Variants in RIT2 observed in about 807,000 individuals in gnomAD.
RIT2 encodes GTP-binding protein Rit2.
RIT2 carries 24 observed loss-of-function variants against 23.7 expected under a neutral mutation model. The observed-to-expected ratio is 1.01, with a 90% CI of 0.73 to 1.43. The LOEUF (loss-of-function observed/expected upper bound fraction) is 1.43. Ranked by LOEUF, RIT2 falls within the 40% of genes most tolerant of loss-of-function variation. The pLI is 0.00. For missense variants in RIT2, 236 were observed against 266.9 expected (o/e 0.88, Z 0.81); for synonymous variants, 107 against 91.1 (o/e 1.17, Z -0.99).
At position 43,105,490 on chromosome 18, in the gene RIT2, G is replaced by GAAGGGAGGAAGGA. The variant is rs1568083814; in HGVS notation, c.103+9926_103+9927insTCCTTCCTCCCTT. On this transcript the variant is annotated intron_variant, in intron 1 of 4. Transcript: ENST00000326695. ...GGAGGAAGAGAGGAAGGGAGGAAGG[G>GAAGGGAGGAAGGA]AGGAAGAAAGGGAGGGAGGGAGGGA... Among the ~76,000 whole-genome samples, 354 of 117,668 alleles carry GAAGGGAGGAAGGA rather than the reference G, an allele frequency of 3.0e-3. 4 individuals are homozygous for GAAGGGAGGAAGGA. The highest frequency in any genetic ancestry group is 0.013 in the East Asian group (46 of 3,518). The allele number at this position is 117,668 out of a possible 152,430, so 77.2% of individuals were successfully genotyped here.
At chr18:43,082,275 T>C (rs1913175624) in intron 1 of RIT2, among the ~76,000 whole-genome samples, 1 of 152,168 alleles carries the variant, frequency 6.6e-6, no homozygotes, top group Non-Finnish European at 1.5e-5. Context: ...TCTATTGGAT[T>C]CACAGCCAAA....
chr18:43,042,792 C>T (rs572716240), intron 1 of RIT2, among the ~76,000 whole-genome samples: 2 of 152,280 alleles, frequency 1.3e-5, no homozygotes, highest in South Asian at 4.1e-4. Flanking sequence ...AGTGAAATTA[C>T]ACACACATTT....
chr18:42,907,042 AGT>A (rs1211867471), intron 4 of RIT2, among the ~76,000 whole-genome samples: 1 of 152,138 alleles, frequency 6.6e-6, no homozygotes, highest in African/African-American at 2.4e-5. Context: ...TACCTCCCTC[AGT>A]GTGTGTTTTA....
At chr18:42,978,189 A>G (rs1330240519) in intron 2 of RIT2, among the ~76,000 whole-genome samples, 1 of 152,070 alleles carries the variant, frequency 6.6e-6, no homozygotes, top group Non-Finnish European at 1.5e-5. Context: ...AGCTCTAGAT[A>G]AGCCCAGCAC....
chr18:42,929,976 T>C (rs1439238577), intron 3 of RIT2, among the ~76,000 whole-genome samples: 1 of 151,642 alleles, frequency 6.6e-6, no homozygotes, highest in Admixed American at 6.6e-5. Flanking sequence ...AGTTGAGAGG[T>C]GTGGAGTTGT....
At chr18:42,753,904 G>T (rs947438830) in intron 4 of RIT2, among the ~76,000 whole-genome samples, 4 of 152,174 alleles carry the variant, frequency 2.6e-5, no homozygotes, top group African/African-American at 9.7e-5. Context: ...AAAGGTAAGT[G>T]CTACATGTCA....
At chr18:43,093,358 T>C (rs62090497) in intron 1 of RIT2, among the ~76,000 whole-genome samples, 13,569 of 152,126 alleles carry the variant, frequency 0.089, 667 homozygotes, top group East Asian at 0.15. Context: ...CTAGTTTTCA[T>C]TGAGGAGATG....
intron 3 of RIT2, among the ~76,000 whole-genome samples, chr18:42,927,058 G>A (rs557957674): frequency 6.6e-6 from 1 of 152,008 alleles, no homozygotes; most frequent in African/African-American, 2.4e-5. Flanking sequence ...ATGCTTTGAT[G>A]AATTTTTAAA....
At chr18:42,902,221 C>T (rs1908493555) in intron 4 of RIT2, among the ~76,000 whole-genome samples, 1 of 151,580 alleles carries the variant, frequency 6.6e-6, no homozygotes, top group Non-Finnish European at 1.5e-5. Flanking sequence ...AACAGAAGCT[C>T]TTTGGGGGAT....
intron 4 of RIT2, among the ~76,000 whole-genome samples, chr18:42,892,676 T>C (rs968520288): frequency 3.3e-5 from 5 of 152,178 alleles, no homozygotes; most frequent in Non-Finnish European, 7.3e-5. Flanking sequence ...ACATAAAACA[T>C]GTGTTAGTGA....
At chr18:43,004,478 T>A (rs1487710531) in intron 2 of RIT2, among the ~76,000 whole-genome samples, 2 of 151,898 alleles carry the variant, frequency 1.3e-5, no homozygotes, top group Non-Finnish European at 2.9e-5. Context: ...AAAAGCTTTT[T>A]TCAAAGTTAG....
chr18:42,884,290 C>G (rs762070883), intron 4 of RIT2, among the ~76,000 whole-genome samples: 4 of 152,182 alleles, frequency 2.6e-5, no homozygotes, highest in Non-Finnish European at 4.4e-5. Flanking sequence ...AGGGTGGAGA[C>G]TCTCAAAGGA....
chr18:42,951,775 A>T (rs1482576505), intron 3 of RIT2, among the ~76,000 whole-genome samples: 3 of 152,100 alleles, frequency 2.0e-5, no homozygotes, highest in African/African-American at 7.2e-5. Context: ...CCATTCATGG[A>T]ATAATGCAAA....
At chr18:42,757,269 A>G (rs1311032043) in intron 4 of RIT2, among the ~76,000 whole-genome samples, 1 of 152,190 alleles carries the variant, frequency 6.6e-6, no homozygotes, top group African/African-American at 2.4e-5. Context: ...AAAATGCTTG[A>G]TTACATATGT....
intron 4 of RIT2, among the ~76,000 whole-genome samples, chr18:42,788,929 A>G (rs545257424): frequency 1.3e-5 from 2 of 152,320 alleles, no homozygotes; most frequent in South Asian, 4.1e-4. Context: ...GCTTATGTAT[A>G]TTTACCATTT....
intron 4 of RIT2, among the ~76,000 whole-genome samples, chr18:42,766,501 TG>T (rs1234132937): frequency 6.6e-6 from 1 of 152,318 alleles, no homozygotes; most frequent in Admixed American, 6.5e-5. Flanking sequence ...AAATGTGTCT[TG>T]GGTGCTGTTA....
chr18:42,758,208 A>AG (rs915564499), intron 4 of RIT2, among the ~76,000 whole-genome samples: 10 of 152,102 alleles, frequency 6.6e-5, no homozygotes, highest in African/African-American at 2.4e-4. Context: ...GGAAAGGATT[A>AG]GAAAAAAAAA....
intron 1 of RIT2, among the ~76,000 whole-genome samples, chr18:43,071,982 TTGTTG>T (rs1434562134): frequency 3.2e-4 from 48 of 152,098 alleles, no homozygotes; most frequent in South Asian, 2.9e-3. Context: ...GTTGTTGTTG[TTGTTG>T]TTGTTGTTTT....
At chr18:42,996,821 C>T (rs933777695) in intron 2 of RIT2, among the ~76,000 whole-genome samples, 2 of 152,090 alleles carry the variant, frequency 1.3e-5, no homozygotes, top group Non-Finnish European at 2.9e-5. Context: ...AGAAATCATC[C>T]TAGAAAAATG....
Sources: gnomAD v4.1 joint callset for allele counts (sites outside exome capture counted in the v4.1 genomes callset) on GRCh38, gnomAD v4.1.1 for gene constraint, MANE v1.5 for transcripts, NCBI Gene and HGNC (gene_info 2026-07-23, HGNC 2026-07-21) for gene names.